PIK3R6: variants seen among roughly 807,000 people sequenced by gnomAD.
PIK3R6 encodes the protein phosphoinositide 3-kinase regulatory subunit 6.
In PIK3R6, 91 loss-of-function variants were observed where a neutral mutation model predicts 84.9. The ratio of observed to expected loss-of-function variants is 1.07; its 90% CI spans 0.90 to 1.28. The LOEUF (loss-of-function observed/expected upper bound fraction) is 1.28. Ranked by LOEUF, PIK3R6 falls within the 50% of genes most tolerant of loss-of-function variation. The pLI is 0.00. For synonymous variants in PIK3R6, 416 were observed against 411.4 expected, an observed-to-expected ratio of 1.01 and a Z score of -0.13; for missense variants, 996 against 985.1, an observed-to-expected ratio of 1.01 and a Z score of -0.15.
At chr17:8,827,524 A>C (rs1028764142) in intron 12 of PIK3R6, among the ~76,000 whole-genome samples, 3 of 152,158 alleles carry the variant, frequency 2.0e-5, no homozygotes, top group Non-Finnish European at 4.4e-5. Flanking sequence ...ACCGACTTTA[A>C]AAGGGGAGAG....
Position 8,836,939 on chromosome 17 carries a change from G to A in PIK3R6, c.259-16C>T. The A allele has an allele frequency of 6.5e-7, 1 of 1,541,072 alleles. No individual in the cohort carries two copies. ...TTCCTGTGGCCTGGGTGAGAGGGAG[G>A]AGGGGGAGGTGAGAGGGAGGAGGTG... On this transcript the variant is annotated splice_polypyrimidine_tract_variant and intron_variant, in intron 5 of 19. Transcript: ENST00000619866.
At chr17:8,824,565 C>T (rs961880277) in intron 13 of PIK3R6, among the ~76,000 whole-genome samples, 2 of 152,204 alleles carry the variant, frequency 1.3e-5, no homozygotes, top group South Asian at 2.1e-4. Context: ...GCTGTCATTG[C>T]TCACATTGTT....
rs1027983275 is a variant in PIK3R6, at chr17:8,836,852, G to T, written c.330C>A (p.Thr110=). The change falls in exon 6 of 20, where the codon ACC becomes ACA. Residue 110 remains threonine, a synonymous_variant. Coordinates refer to ENST00000619866, the MANE Select transcript of PIK3R6 (RefSeq NM_001010855.4). ...AGTCCAAGGCGACTGTGCAGTAGGG[G>T]GTGGGCAGGGTCAGTAACCTTGTGC... The part of the protein sequence containing the change: ...AFCTRLLTLP[T]PYCTVALDCA... The T allele has an allele frequency of 6.3e-7, 1 of 1,584,254 alleles. No homozygotes were observed. Among genetic ancestry groups the T allele is most frequent in the African/African-American group, 1.3e-5 (1 of 74,370 alleles).
At chr17:8,852,558 T>C (rs1403409768) in intron 1 of PIK3R6, among the ~76,000 whole-genome samples, 2 of 152,100 alleles carry the variant, frequency 1.3e-5, no homozygotes, top group East Asian at 1.9e-4. Context: ...ACCAACGTGG[T>C]GAAACCCCGT....
At chr17:8,836,657 C>G in intron 6 of PIK3R6, 41 bp from the exon 7 acceptor site, 1 of 1,613,822 alleles carries the variant, frequency 6.2e-7, no homozygotes, top group Non-Finnish European at 8.5e-7. Flanking sequence ...CCCCAAGTCT[C>G]TGACTCCCAT....
At chr17:8,843,675 A>G (rs1415565087) in intron 2 of PIK3R6, among the ~76,000 whole-genome samples, 4 of 152,076 alleles carry the variant, frequency 2.6e-5, no homozygotes, top group African/African-American at 9.7e-5. Flanking sequence ...CAACATTTAC[A>G]AGTCAGGAGA....
rs534014818 is a variant in PIK3R6 at position 8,803,293 on chromosome 17, A to C, written c.2245T>G (p.Phe749Val). ...CAGGCTCACTGGACAATACCAGAGA[A>C]TGTGTTGATGGGCATCAGAAGGGGC... Reference protein sequence around the residue: ...PKPLLMPINTFSGIVQ With the variant: ...PKPLLMPINTVSGIVQ Residue 749 changes from phenylalanine to valine, a missense_variant, in exon 20 of 20, where the codon TTC becomes GTC. Physicochemically the swap from Phe to Val is conservative, Grantham distance 50. Coordinates refer to ENST00000619866, the MANE Select transcript of PIK3R6 (RefSeq NM_001010855.4). The surrounding 1 kb of genome is among the most constrained non-coding windows in gnomAD (Gnocchi z 5.0). 3.7e-6 allele frequency: 6 copies of C among 1,612,730 alleles called. No homozygotes were observed. The highest frequency in any genetic ancestry group is 5.1e-6 in the Non-Finnish European group (6 of 1,179,848).
chr17:8,820,827 C>T (rs2087710867), intron 17 of PIK3R6, among the ~76,000 whole-genome samples: 1 of 152,136 alleles, frequency 6.6e-6, no homozygotes, highest in Non-Finnish European at 1.5e-5. Flanking sequence ...CAGTGGATTT[C>T]AGAGATGGAG....
At chr17:8,865,453 G>A (rs1368293750) in intron 1 of PIK3R6, among the ~76,000 whole-genome samples, 1 of 152,202 alleles carries the variant, frequency 6.6e-6, no homozygotes, top group Non-Finnish European at 1.5e-5. Context: ...CACTCTGTCT[G>A]CCTCCTGTCC....
chr17:8,845,862 G>T (rs186789179), intron 2 of PIK3R6, among the ~76,000 whole-genome samples: 58 of 152,266 alleles, frequency 3.8e-4, no homozygotes, highest in Admixed American at 4.6e-4. Flanking sequence ...GCTTAAACCT[G>T]GGGGGTGGAG....
intron 13 of PIK3R6, among the ~76,000 whole-genome samples, chr17:8,826,625 C>T (rs147273205): frequency 0.012 from 1,761 of 152,050 alleles, 20 homozygotes; most frequent in Non-Finnish European, 0.018. Context: ...CGGGGCCTGT[C>T]TGGGGGTTGG....
intron 1 of PIK3R6, among the ~76,000 whole-genome samples, chr17:8,850,834 T>C (rs923351305): frequency 6.6e-6 from 1 of 152,218 alleles, no homozygotes; most frequent in Non-Finnish European, 1.5e-5. Context: ...CTGAGTCCCC[T>C]GTGTCGCACA....
chr17:8,863,694 C>T (rs1426770847), intron 1 of PIK3R6, among the ~76,000 whole-genome samples: 1 of 152,186 alleles, frequency 6.6e-6, no homozygotes, highest in African/African-American at 2.4e-5. Flanking sequence ...ACCACCACGC[C>T]CAGCTAATTT....
chr17:8,838,931 G>A lies in PIK3R6; in HGVS notation c.98-276C>T, dbSNP rs1410708540. Among the ~76,000 whole-genome samples the A allele has an allele frequency of 5.9e-5, 9 of 152,240 alleles. No individual in the cohort carries two copies. In the East Asian group the frequency reaches 1.7e-3, roughly 29 times the overall value. ...GGACAGGTGTGTGACAGGTGTATGC[G>A]TGTGGACCACAGAGCAGCAGTGCTT... is the stretch of plus-strand genomic sequence containing the variant. On this transcript the variant is annotated intron_variant, in intron 3 of 19. Transcript: ENST00000619866.
chr17:8,838,003 T>C (rs1380068751), intron 4 of PIK3R6, 132 bp from the exon 5 acceptor site: 1 of 747,708 alleles, frequency 1.3e-6, no homozygotes, highest in East Asian at 2.6e-5. Context: ...AGGGCCATTG[T>C]CTGCTCTGGA....
At chr17:8,863,776 A>G (rs402560) in intron 1 of PIK3R6, among the ~76,000 whole-genome samples, 78,865 of 151,898 alleles carry the variant, frequency 0.52, 22,067 homozygotes, top group African/African-American at 0.73. Context: ...CTCGTGATCC[A>G]CCCGCCTCGG....
intron 13 of PIK3R6, among the ~76,000 whole-genome samples, chr17:8,823,833 G>A (rs1047146922): frequency 5.3e-5 from 8 of 152,174 alleles, no homozygotes; most frequent in African/African-American, 1.7e-4. Context: ...TTCTAGGCTC[G>A]GATGGGCTAC....
intron 1 of PIK3R6, among the ~76,000 whole-genome samples, chr17:8,852,614 C>T (rs1375308682): frequency 6.6e-6 from 1 of 151,862 alleles, no homozygotes; most frequent in Non-Finnish European, 1.5e-5. Flanking sequence ...TGGCGTGTGC[C>T]TGTAATCCCA....
At chr17:8,828,311 T>C in intron 11 of PIK3R6, 121 bp from the exon 12 acceptor site, 2 of 1,090,450 alleles carry the variant, frequency 1.8e-6, no homozygotes, top group Non-Finnish European at 2.7e-6. Context: ...GAGCCTCTGC[T>C]TTCTCATCTA....
Sources: allele counts gnomAD v4.1 joint callset (sites outside exome capture counted in the v4.1 genomes callset), GRCh38; gene constraint gnomAD v4.1.1; non-coding constraint Gnocchi (gnomAD v3.1); transcripts MANE v1.5; gene names NCBI Gene and HGNC (gene_info 2026-07-23, HGNC 2026-07-21).